Variants in DPF3 observed in about 807,000 individuals in gnomAD.
The protein encoded by DPF3 is zinc finger protein DPF3.
A neutral mutation model predicts 56.8 loss-of-function variants in DPF3; 18 were observed. That is an observed-to-expected ratio of 0.32 (90% CI 0.22 to 0.47). The LOEUF (loss-of-function observed/expected upper bound fraction) is 0.47, where lower values mean the gene tolerates loss of function less well. DPF3 is among the 20% of genes least tolerant of loss of function. The pLI is 1.00. For missense variants in DPF3, 403 were observed against 488.8 expected (o/e 0.82, Z 1.65); for synonymous variants, 188 against 180.2 (o/e 1.04, Z -0.35).
chr14:72,706,568 C>T (rs990816964), intron 6 of DPF3, among the ~76,000 whole-genome samples: 1 of 152,178 alleles, frequency 6.6e-6, no homozygotes, highest in African/African-American at 2.4e-5. Context: ...GAGACTCCTA[C>T]AGCAAAATGA....
chr14:72,675,030 C>G (rs1292471890), intron 7 of DPF3, among the ~76,000 whole-genome samples: 1 of 152,222 alleles, frequency 6.6e-6, no homozygotes, highest in Non-Finnish European at 1.5e-5. Flanking sequence ...GAACTAGACC[C>G]AGGCTTCTAG....
chr14:72,659,929 TAAATG>T lies in DPF3; in HGVS notation c.871+14306_871+14310del, dbSNP rs146421207. 6.7e-3 allele frequency among the ~76,000 whole-genome samples: 1,021 copies of T among 152,330 alleles called. 14 individuals are homozygous for T. Among genetic ancestry groups the T allele is most frequent in the African/African-American group, 0.024 (977 of 41,570 alleles). On this transcript the variant is annotated intron_variant, in intron 8 of 10. Coordinates refer to ENST00000556509, the MANE Select transcript of DPF3 (RefSeq NM_001280542.3). Reference sequence around the variant, plus strand: ...TAAATAATCCTTGAAGATATTACACTAAATGAAATAAGTCCGTGACAAAAGGACAA... The same window carrying T: ...TAAATAATCCTTGAAGATATTACACTAAATAAGTCCGTGACAAAAGGACAA...
chr14:72,755,531 G>A (rs913496165), intron 2 of DPF3, among the ~76,000 whole-genome samples: 1 of 152,120 alleles, frequency 6.6e-6, no homozygotes, highest in Non-Finnish European at 1.5e-5. Context: ...TAAGATAAGG[G>A]CATTGATAAC....
intron 1 of DPF3, among the ~76,000 whole-genome samples, chr14:72,842,090 G>GAAAA (rs397952214): frequency 1.7e-5 from 2 of 117,558 alleles, no homozygotes; most frequent in Non-Finnish European, 1.8e-5. Context: ...CTGTCTCTAA[G>GAAAA]AAAAAAAAAA....
intron 1 of DPF3, among the ~76,000 whole-genome samples, chr14:72,886,618 C>A (rs1395117362): frequency 6.6e-6 from 1 of 152,112 alleles, no homozygotes; most frequent in Non-Finnish European, 1.5e-5. Context: ...ATGCCTCTCT[C>A]TGCTGGAGGT....
chr14:72,722,445 T>C (rs4415952), intron 5 of DPF3, among the ~76,000 whole-genome samples: 95,237 of 152,074 alleles, frequency 0.63, 31,493 homozygotes, highest in East Asian at 0.83. Flanking sequence ...TATAAAGCCC[T>C]GCCCCAGAGC....
chr14:72,752,276 A>C (rs1890610763), intron 3 of DPF3, among the ~76,000 whole-genome samples: 1 of 152,156 alleles, frequency 6.6e-6, no homozygotes, highest in Non-Finnish European at 1.5e-5. Context: ...AAAAACAAAG[A>C]TGCGTTTAAA....
Position 72,610,337 on chromosome 14 carries a change from C to T in DPF3, c.*8960G>A, listed in dbSNP as rs1406776247. On this transcript the variant is annotated 3_prime_UTR_variant, in exon 11 of 11. Transcript: ENST00000556509. ...AGGTAGGCAGCTCATTCCCAGGGAC[C>T]TGGTCATCCTTCCTACCATAGGAGC... is the stretch of plus-strand genomic sequence containing the variant. 6.6e-6 allele frequency among the ~76,000 whole-genome samples: 1 copy of T among 152,196 alleles called. No homozygotes were observed. Among genetic ancestry groups the T allele is most frequent in the Non-Finnish European group, 1.5e-5 (1 of 68,020 alleles).
At chr14:72,894,007 T>C (rs754789485) in intron 1 of DPF3, 50 bp downstream of exon 1, 2 of 1,604,174 alleles carry the variant, frequency 1.2e-6, no homozygotes, top group South Asian at 2.3e-5. Context: ...GGCGCCTTTT[T>C]TTTCATATTG....
chr14:72,738,255 T>C (rs2139869662), intron 3 of DPF3, among the ~76,000 whole-genome samples: 1 of 152,198 alleles, frequency 6.6e-6, no homozygotes, highest in South Asian at 2.1e-4. Context: ...CCCTGTTTTG[T>C]GACTCATAAA....
In DPF3 at chr14:72,676,592, T is replaced by C. The variant is rs547268301; in HGVS notation, c.743-2224A>G. Reference sequence around the variant, plus strand: ...GTCATGGGAGAGACTGAGTAGGATATAATTGAATCATGGGGGCAGGTTTTT... The same window carrying C: ...GTCATGGGAGAGACTGAGTAGGATACAATTGAATCATGGGGGCAGGTTTTT... On this transcript the variant is annotated intron_variant, in intron 7 of 10. Coordinates refer to ENST00000556509, the MANE Select transcript of DPF3 (RefSeq NM_001280542.3). Among the ~76,000 whole-genome samples the C allele has an allele frequency of 1.3e-3, 193 of 152,302 alleles. 1 individual carries two copies. The highest frequency in any genetic ancestry group is 1.1e-3 in the Admixed American group (17 of 15,304).
intron 8 of DPF3, among the ~76,000 whole-genome samples, chr14:72,639,567 A>G (rs1312793061): frequency 6.6e-6 from 1 of 152,212 alleles, no homozygotes; most frequent in Non-Finnish European, 1.5e-5. Context: ...GATGCCCTAC[A>G]GACAGGTCCA....
intron 1 of DPF3, among the ~76,000 whole-genome samples, chr14:72,784,425 C>T (rs769879733): frequency 6.6e-6 from 1 of 152,156 alleles, no homozygotes; most frequent in Non-Finnish European, 1.5e-5. Flanking sequence ...GATACCAAAA[C>T]CTCTGTACTG....
intron 1 of DPF3, among the ~76,000 whole-genome samples, chr14:72,864,928 A>T (rs1399141496): frequency 6.6e-6 from 1 of 152,254 alleles, no homozygotes; most frequent in African/African-American, 2.4e-5. Context: ...AGGTTAAGCC[A>T]ATATGACTCG....
At chr14:72,693,538 T>C (rs907597447) in intron 6 of DPF3, among the ~76,000 whole-genome samples, 78 of 152,194 alleles carry the variant, frequency 5.1e-4, no homozygotes, top group Non-Finnish European at 2.9e-4. Flanking sequence ...ATGGGAACAA[T>C]AACAGTACTT....
intron 1 of DPF3, among the ~76,000 whole-genome samples, chr14:72,830,846 C>T (rs571485010): frequency 4.6e-5 from 7 of 152,270 alleles, no homozygotes; most frequent in South Asian, 4.2e-4. Flanking sequence ...CCCTGAAACC[C>T]GACACATCTG....
At chr14:72,693,622 T>G (rs1887791547) in intron 6 of DPF3, among the ~76,000 whole-genome samples, 1 of 152,124 alleles carries the variant, frequency 6.6e-6, no homozygotes, top group Non-Finnish European at 1.5e-5. Context: ...TTTGTGAGGG[T>G]AATTGTTATG....
intron 3 of DPF3, among the ~76,000 whole-genome samples, chr14:72,744,171 G>A (rs974517600): frequency 6.6e-6 from 1 of 152,172 alleles, no homozygotes; most frequent in Non-Finnish European, 1.5e-5. Flanking sequence ...AAGAGGGATG[G>A]TGCATTTACC....
rs545123196 is a variant in DPF3 at position 72,776,615 on chromosome 14, C to T, written c.33-4722G>A. Among the ~76,000 whole-genome samples the T allele has an allele frequency of 8.7e-4, 133 of 152,218 alleles. 1 individual carries two copies. Among genetic ancestry groups the T allele is most frequent in the Non-Finnish European group, 1.6e-3 (109 of 68,014 alleles). ...TTTTCAGAGCCCATCAATCACAACC[C>T]CTCTAAGACCCTCTGCTCCTCTTCC... On this transcript the variant is annotated intron_variant, in intron 1 of 10. Coordinates refer to ENST00000556509, the MANE Select transcript of DPF3 (RefSeq NM_001280542.3).
Sources: gnomAD v4.1 joint callset for allele counts (sites outside exome capture counted in the v4.1 genomes callset) on GRCh38, gnomAD v4.1.1 for gene constraint, MANE v1.5 for transcripts, NCBI Gene and HGNC (gene_info 2026-07-23, HGNC 2026-07-21) for gene names.